The following TAF1B variants were observed in gnomAD, a reference collection of about 807,000 sequenced individuals.
TAF1B encodes the protein TATA box-binding protein-associated factor RNA polymerase I subunit B.
TAF1B carries 61 observed loss-of-function variants against 83.9 expected under a neutral mutation model. That is an observed-to-expected ratio of 0.73 (90% CI 0.59 to 0.90). The LOEUF (loss-of-function observed/expected upper bound fraction) is 0.90. TAF1B is among the 40% of genes least tolerant of loss of function. The probability of loss-of-function intolerance (pLI) is 0.00; values close to 1 mark genes in which losing one functional copy is unlikely to be tolerated. For missense variants in TAF1B, 625 were observed against 677.0 expected, an observed-to-expected ratio of 0.92 and a Z score of 0.85; for synonymous variants, 221 against 224.6, an observed-to-expected ratio of 0.98 and a Z score of 0.14.
chr2:9,862,966 A>G (rs1663829134), intron 5 of TAF1B, among the ~76,000 whole-genome samples: 1 of 152,178 alleles, frequency 6.6e-6, no homozygotes, highest in Non-Finnish European at 1.5e-5. Context: ...GAAAGGAACA[A>G]CCGGTACCAG....
At chr2:9,863,496 T>C (rs1663849795) in intron 5 of TAF1B, among the ~76,000 whole-genome samples, 1 of 152,024 alleles carries the variant, frequency 6.6e-6, no homozygotes, top group Admixed American at 6.5e-5. Flanking sequence ...ACAATAATAA[T>C]GGGAGACTTT....
chr2:9,916,439 A>C (rs924043424), intron 12 of TAF1B, among the ~76,000 whole-genome samples: 1 of 152,202 alleles, frequency 6.6e-6, no homozygotes, highest in African/African-American at 2.4e-5. Flanking sequence ...TTCTTGGGGC[A>C]TATCACCCCA....
chr2:9,850,505 G>A (rs1663351906), intron 3 of TAF1B, among the ~76,000 whole-genome samples: 1 of 152,136 alleles, frequency 6.6e-6, no homozygotes, highest in Non-Finnish European at 1.5e-5. Context: ...AAAATTATTG[G>A]CTTTTGAGAC....
At chr2:9,910,961 C>A in intron 10 of TAF1B, 48 bp downstream of exon 10, 1 of 1,517,500 alleles carries the variant, frequency 6.6e-7, no homozygotes, top group South Asian at 1.2e-5. Flanking sequence ...TGGTGCTGAT[C>A]TTAGTTTTTT....
chr2:9,859,688 TA>T (rs1454883986), intron 5 of TAF1B, among the ~76,000 whole-genome samples: 6 of 152,210 alleles, frequency 3.9e-5, no homozygotes, highest in Admixed American at 3.9e-4. Context: ...ACCTGGCCGC[TA>T]ACAGCATTTT....
chr2:9,904,965 A>T lies in TAF1B; in HGVS notation c.914A>T (p.Asn305Ile). 6.2e-7 allele frequency: 1 copy of T among 1,612,604 alleles called. No individual in the cohort carries two copies. Among genetic ancestry groups the T allele is most frequent in the South Asian group, 1.1e-5 (1 of 91,042 alleles). ...ACTGAAGACTGCTATCTTCATCCCAACATACTGTGTATGAAATACTTGATG... is the reference window on the plus strand; with the variant it reads ...ACTGAAGACTGCTATCTTCATCCCATCATACTGTGTATGAAATACTTGATG... Reference protein sequence around the residue: ...DITEDCYLHPNILCMKYLMEV... With the variant: ...DITEDCYLHPIILCMKYLMEV... Residue 305 changes from asparagine (N) to isoleucine (I), a missense_variant, in exon 9 of 15, where the codon AAC (asparagine) becomes ATC (isoleucine). Physicochemically the swap from Asn to Ile is moderately radical, Grantham distance 149 (BLOSUM62 -3). Transcript: ENST00000263663.
intron 12 of TAF1B, among the ~76,000 whole-genome samples, chr2:9,916,834 G>GTTGTTTTTTTTTTTTTTTTTTTTTTTTTT (rs1572282272): frequency 1.1e-4 from 5 of 44,848 alleles, no homozygotes; most frequent in African/African-American, 2.3e-4. Flanking sequence ...TTTCCTTTCT[G>GTTGTTTTTTTTTTTTTTTTTTTTTTTTTT]TTCTTTTTTT....
In TAF1B at chr2:9,932,383, C is replaced by G. The variant is rs549355298; in HGVS notation, c.1566-1400C>G. ...GATGTCCTTTTTGTTGATGTTGATG[C>G]TACTCCTTTCTGTTTGTTAGTTTTC... On this transcript the variant is annotated intron_variant, in intron 14 of 14. Coordinates refer to ENST00000263663, the MANE Select transcript of TAF1B (RefSeq NM_005680.3). Among the ~76,000 whole-genome samples the G allele has an allele frequency of 3.3e-5, 5 of 152,324 alleles. No individual in the cohort carries two copies. The East Asian group carries it at 9.6e-4, about 29-fold the overall frequency.
At chr2:9,845,063 C>G (rs1159479775) in intron 1 of TAF1B, among the ~76,000 whole-genome samples, 157 bp from the exon 2 acceptor site, 2 of 152,096 alleles carry the variant, frequency 1.3e-5, no homozygotes, top group Non-Finnish European at 2.9e-5. Context: ...CCGCGCCTCT[C>G]CTTGTTTGCG....
intron 14 of TAF1B, among the ~76,000 whole-genome samples, chr2:9,925,954 A>G (rs1225790037): frequency 6.6e-6 from 1 of 152,182 alleles, no homozygotes; most frequent in Non-Finnish European, 1.5e-5. Flanking sequence ...TAATATCTCA[A>G]TGTCTATAGC....
At chr2:9,844,892 G>C (rs935704149) in intron 1 of TAF1B, among the ~76,000 whole-genome samples, 5 of 152,140 alleles carry the variant, frequency 3.3e-5, no homozygotes, top group Admixed American at 2.0e-4. Flanking sequence ...TTTTTTAAAA[G>C]TCTTCTCTAT....
chr2:9,876,666 G>T (rs1223537645), intron 7 of TAF1B, among the ~76,000 whole-genome samples: 1 of 152,158 alleles, frequency 6.6e-6, no homozygotes, highest in Non-Finnish European at 1.5e-5. Flanking sequence ...TAATCAATAT[G>T]TAGGGTGCTT....
At chr2:9,843,769 G>C (rs1251946676) in intron 1 of TAF1B, 1 of 524,818 alleles carries the variant, frequency 1.9e-6, no homozygotes, top group African/African-American at 2.0e-5. Flanking sequence ...TTTCTGGCTC[G>C]GCGAGGTTGT....
intron 11 of TAF1B, 109 bp downstream of exon 11, chr2:9,911,666 A>G: frequency 1.7e-6 from 1 of 603,162 alleles, no homozygotes; most frequent in Non-Finnish European, 2.7e-6. Flanking sequence ...ACACATAAAC[A>G]CATGTATACA....
rs76890610 is a variant in TAF1B at position 9,888,794 on chromosome 2, T to G, written c.807+5989T>G. Among the ~76,000 whole-genome samples the G allele has an allele frequency of 5.1e-3, 291 of 56,578 alleles. 22 individuals carry two copies. The highest frequency in any genetic ancestry group is 0.01 in the Middle Eastern group (1 of 98). 37.1% of individuals were successfully genotyped at this position (56,578 alleles called of 152,430 possible). The stretch of plus-strand genomic sequence containing the variant: ...TCTTTATGTTTCTTCTGCTTGGTTT[T>G]TTTTTTTTTTTTTTTTTTTTTTTTT... On this transcript the variant is annotated intron_variant, in intron 8 of 14. Coordinates refer to ENST00000263663, the MANE Select transcript of TAF1B (RefSeq NM_005680.3).
At chr2:9,858,666 C>T (rs1485096915) in intron 5 of TAF1B, among the ~76,000 whole-genome samples, 1 of 152,272 alleles carries the variant, frequency 6.6e-6, no homozygotes, top group East Asian at 1.9e-4. Context: ...TCCCAAACCT[C>T]AGCCCTTGTC....
At chr2:9,885,879 T>C (rs996266042) in intron 8 of TAF1B, among the ~76,000 whole-genome samples, 1 of 152,184 alleles carries the variant, frequency 6.6e-6, no homozygotes, top group African/African-American at 2.4e-5. Context: ...CATCATGTTA[T>C]CTTTAATTCA....
chr2:9,856,323 G>GGAATAACCTGAGGGGTTCGTTTGGA (rs1558615286), intron 5 of TAF1B, among the ~76,000 whole-genome samples: 1 of 151,738 alleles, frequency 6.6e-6, no homozygotes, highest in Non-Finnish European at 1.5e-5. Flanking sequence ...AAAAGGCAGG[G>GGAATAACCTGAGGGGTTCGTTTGGA]GAATAACCTG....
At chr2:9,870,649 C>G (rs1469328673) in intron 6 of TAF1B, among the ~76,000 whole-genome samples, 1 of 152,094 alleles carries the variant, frequency 6.6e-6, no homozygotes, top group Non-Finnish European at 1.5e-5. Flanking sequence ...TGTTTTAGCT[C>G]TTTCACACAT....
Sources: gnomAD v4.1 joint callset for allele counts (sites outside exome capture counted in the v4.1 genomes callset) on GRCh38, gnomAD v4.1.1 for gene constraint, MANE v1.5 for transcripts, NCBI Gene and HGNC (gene_info 2026-07-23, HGNC 2026-07-21) for gene names.